Variants in HOMER1 observed in about 807,000 individuals in gnomAD.
HOMER1 encodes the protein homer protein homolog 1.
Under a neutral mutation model 48.9 loss-of-function variants are expected in HOMER1, and 3 were observed. The ratio of observed to expected loss-of-function variants is 0.06; its 90% CI spans 0.03 to 0.16. The LOEUF is 0.16. HOMER1 is among the 10% of genes least tolerant of loss of function. The pLI, the probability that HOMER1 is intolerant of heterozygous loss-of-function variation, is 1.00. For missense variants in HOMER1, 247 were observed against 411.4 expected (o/e 0.60, Z 3.46); for synonymous variants, 134 against 146.4 (o/e 0.92, Z 0.61).
At chr5:79,462,130 C>T (rs570195024) in intron 1 of HOMER1, among the ~76,000 whole-genome samples, 6 of 152,186 alleles carry the variant, frequency 3.9e-5, no homozygotes, top group African/African-American at 1.4e-4. Flanking sequence ...ACCCAGGAGA[C>T]GGAGGTTGCA....
chr5:79,440,983 C>T (rs1340690344), intron 4 of HOMER1, among the ~76,000 whole-genome samples: 1 of 151,916 alleles, frequency 6.6e-6, no homozygotes, highest in East Asian at 1.9e-4. Flanking sequence ...CATGATGAAA[C>T]CCAATCTCTA....
At chr5:79,430,677 G>A (rs1262665272) in intron 5 of HOMER1, among the ~76,000 whole-genome samples, 1 of 152,074 alleles carries the variant, frequency 6.6e-6, no homozygotes, top group Non-Finnish European at 1.5e-5. Flanking sequence ...GGTGGCTCAC[G>A]CCTGTAATCC....
intron 5 of HOMER1, among the ~76,000 whole-genome samples, chr5:79,410,624 G>GAAT (rs1012144595): frequency 2.7e-5 from 4 of 150,048 alleles, no homozygotes; most frequent in African/African-American, 9.8e-5. Context: ...GCTCCTATTA[G>GAAT]AATACCCTAC....
intron 5 of HOMER1, among the ~76,000 whole-genome samples, chr5:79,417,236 G>A (rs866427299): frequency 6.6e-6 from 1 of 151,658 alleles, no homozygotes; most frequent in South Asian, 2.1e-4. Flanking sequence ...TCCGCCTCCC[G>A]GGTTCACGCC....
intron 2 of HOMER1, among the ~76,000 whole-genome samples, chr5:79,456,117 G>C (rs988259040): frequency 6.7e-6 from 1 of 149,266 alleles, no homozygotes; most frequent in African/African-American, 2.5e-5. Context: ...CTGTACTCCA[G>C]GCTGGGTGAC....
At position 79,372,757 on chromosome 5, in the gene HOMER1, A is replaced by G. The variant is rs1026346854; in HGVS notation, c.*3252T>C. 6.6e-6 allele frequency: 1 copy of G among 152,194 alleles called. No homozygotes were observed. The highest frequency in any genetic ancestry group is 2.1e-4 in the South Asian group (1 of 4,834). The allele number at this position is 152,194 out of a possible 1,614,324, so 9.4% of individuals were successfully genotyped here. A position where few individuals can be genotyped will look rare whatever the true frequency, so the allele number is the denominator to read the frequency against. The stretch of plus-strand genomic sequence containing the variant: ...AAGGAGATAAATGACCGAAGTGTAT[A>G]TGCTTCAGTTAAATAAAAACATGGG... On this transcript the variant is annotated 3_prime_UTR_variant, in exon 9 of 9. Transcript: ENST00000334082.
rs571356527 is a variant in HOMER1, at chr5:79,457,154, A to G, written c.6-136T>C. ...ACCTGAAAGTAAGAGAAACTTTCAA[A>G]TTTGCATATTCTAAGTATTCAGTCA... On this transcript the variant is annotated intron_variant, in intron 1 of 8. Coordinates refer to ENST00000334082, the MANE Select transcript of HOMER1 (RefSeq NM_004272.5). 40 of 779,916 alleles carry G rather than the reference A, an allele frequency of 5.1e-5. No homozygotes were observed. The East Asian group carries it at 9.3e-4, about 18-fold the overall frequency. The allele number at this position is 779,916 out of a possible 1,614,324, so 48.3% of individuals were successfully genotyped here.
rs75757386 is a variant in HOMER1 at position 79,378,601 on chromosome 5, T to C, written c.877-2404A>G. The stretch of plus-strand genomic sequence containing the variant: ...AGATCCTGAGATCAAATGTAAAAAT[T>C]CCACTCATGACTGCACAGCATGCTC... On this transcript the variant is annotated intron_variant, in intron 8 of 8. Coordinates refer to ENST00000334082, the MANE Select transcript of HOMER1 (RefSeq NM_004272.5). Among the ~76,000 whole-genome samples, 8 of 152,194 alleles carry C rather than the reference T, an allele frequency of 5.3e-5. No homozygotes were observed. The East Asian group carries it at 1.5e-3, about 29-fold the overall frequency.
intron 3 of HOMER1, 58 bp from the exon 4 acceptor site, chr5:79,447,203 T>A (rs1750908728): frequency 2.4e-5 from 24 of 1,004,112 alleles, no homozygotes; most frequent in Non-Finnish European, 3.8e-5. Context: ...AGTGCCCACT[T>A]TTACCTTAGT....
chr5:79,490,725 A>G (rs981841590), intron 1 of HOMER1, among the ~76,000 whole-genome samples: 2 of 148,588 alleles, frequency 1.3e-5, no homozygotes, highest in Non-Finnish European at 3.0e-5. Context: ...TGAGGCCAGG[A>G]GTTTGATTCC....
intron 8 of HOMER1, among the ~76,000 whole-genome samples, chr5:79,377,975 C>T (rs1481290978): frequency 2.0e-5 from 3 of 151,970 alleles, no homozygotes; most frequent in Admixed American, 6.6e-5. Flanking sequence ...GCCTTTAATC[C>T]CAGAACTCTG....
At chr5:79,497,919 G>A (rs1028074803) in intron 1 of HOMER1, among the ~76,000 whole-genome samples, 3 of 152,092 alleles carry the variant, frequency 2.0e-5, no homozygotes, top group Non-Finnish European at 2.9e-5. Flanking sequence ...TAAATTCATG[G>A]ACCCCATTCC....
At chr5:79,393,262 A>C (rs1453600078) in intron 8 of HOMER1, among the ~76,000 whole-genome samples, 2 of 152,214 alleles carry the variant, frequency 1.3e-5, no homozygotes, top group Non-Finnish European at 2.9e-5. Context: ...TAAAAGGAAA[A>C]TAAAAAATGG....
intron 5 of HOMER1, among the ~76,000 whole-genome samples, chr5:79,418,566 T>C (rs1418638751): frequency 6.6e-6 from 1 of 152,242 alleles, no homozygotes; most frequent in Non-Finnish European, 1.5e-5. Flanking sequence ...TCCCTTAATC[T>C]AACACCCTCT....
At chr5:79,493,870 A>C (rs1021260430) in intron 1 of HOMER1, among the ~76,000 whole-genome samples, 4 of 152,218 alleles carry the variant, frequency 2.6e-5, no homozygotes, top group Non-Finnish European at 4.4e-5. Flanking sequence ...GCTTGGTCTT[A>C]AAGGAGAAGC....
At position 79,375,981 on chromosome 5, in the gene HOMER1, A is replaced by C. The variant is rs1367323170; in HGVS notation, c.*28T>G. ...ATGAAGAGAGACAGTGTATCTTTTA[A>C]TTAATTGGCACTGAAATTTCACTTT... On this transcript the variant is annotated 3_prime_UTR_variant, in exon 9 of 9. Coordinates refer to ENST00000334082, the MANE Select transcript of HOMER1 (RefSeq NM_004272.5). 6.6e-7 allele frequency: 1 copy of C among 1,517,384 alleles called. No individual in the cohort carries two copies. Among genetic ancestry groups the C allele is most frequent in the Admixed American group, 1.8e-5 (1 of 56,624 alleles). The allele number at this position is 1,517,384 out of a possible 1,614,324, so 94.0% of individuals were successfully genotyped here. A position where few individuals can be genotyped will look rare whatever the true frequency, so the allele number is the denominator to read the frequency against.
At chr5:79,401,415 C>T (rs986210209) in intron 6 of HOMER1, among the ~76,000 whole-genome samples, 1 of 152,058 alleles carries the variant, frequency 6.6e-6, no homozygotes, top group African/African-American at 2.4e-5. Context: ...CAGATAATAA[C>T]CGGCAGAACT....
chr5:79,435,703 C>T (rs1056806244), intron 5 of HOMER1, among the ~76,000 whole-genome samples: 1 of 148,372 alleles, frequency 6.7e-6, no homozygotes, highest in Non-Finnish European at 1.5e-5. Flanking sequence ...TGGTGGCGGG[C>T]GCCTGTAGTC....
intron 8 of HOMER1, among the ~76,000 whole-genome samples, chr5:79,389,828 C>G (rs1031065684): frequency 5.9e-5 from 9 of 151,980 alleles, no homozygotes; most frequent in Non-Finnish European, 1.0e-4. Context: ...TGTATAAAGA[C>G]TAAAACAAAT....
Sources: allele counts gnomAD v4.1 joint callset (sites outside exome capture counted in the v4.1 genomes callset), GRCh38; gene constraint gnomAD v4.1.1; transcripts MANE v1.5; gene names NCBI Gene and HGNC (gene_info 2026-07-23, HGNC 2026-07-21).